Variants in ABCC10 observed in about 807,000 individuals in gnomAD.
ABCC10 encodes ATP-binding cassette sub-family C member 10.
ABCC10 carries 110 observed loss-of-function variants against 143.2 expected under a neutral mutation model. The ratio of observed to expected loss-of-function variants is 0.77; its 90% CI spans 0.66 to 0.90. The LOEUF (loss-of-function observed/expected upper bound fraction) is 0.90, where lower values mean the gene tolerates loss of function less well. Ranked by LOEUF, ABCC10 falls within the 40% of genes least tolerant of loss-of-function variation. ABCC10 has a pLI of 0.00. For missense variants in ABCC10, 1,700 were observed against 1,900.5 expected, an observed-to-expected ratio of 0.89 and a Z score of 1.96; for synonymous variants, 805 against 846.7, an observed-to-expected ratio of 0.95 and a Z score of 0.85.
At chr6:43,451,819 G>A, downstream of ABCC10, 1 of 1,453,484 alleles carries the variant, frequency 6.9e-7, no homozygotes, top group East Asian at 2.5e-5. This position sits in a 1 kb window ranked among gnomAD's most constrained non-coding sequence, Gnocchi z 4.4. Context: ...GGTTTTATCT[G>A]AGTGTCCCCG....
rs764228772 is a variant in ABCC10 at position 43,445,177 on chromosome 6, C to T, written c.2893C>T (p.Arg965Cys). Residue 965 changes from arginine (R) to cysteine (C), a missense_variant, in exon 14 of 22, where the codon CGT (arginine) becomes TGT (cysteine). Coordinates refer to ENST00000372530, the MANE Select transcript of ABCC10 (RefSeq NM_001198934.2). ...TGCCCCCAATGGCTCCTCAGACATC[C>T]GTTTCTACCTCACCGTGTATGCGAC... ...KAAPNGSSDIRFYLTVYATIA... is the reference protein window; with the variant it reads ...KAAPNGSSDICFYLTVYATIA... The T allele has an allele frequency of 9.9e-6, 16 of 1,613,980 alleles. No homozygotes were observed. Among genetic ancestry groups the T allele is most frequent in the East Asian group, 4.5e-5 (2 of 44,900 alleles).
chr6:43,442,987 C>A lies in ABCC10; in HGVS notation c.2244C>A (p.Leu748=). ...RAVYQEKELY[L]LDDPLAAVDA... is the part of the protein sequence containing the mutation. ...CTCCATAGGAAAAGGAGCTCTATCT[C>A]CTCGATGACCCTCTGGCCGCTGTGG... Residue 748 remains leucine (L), a synonymous_variant, in exon 10 of 22, where the codon CTC becomes CTA. Transcript: ENST00000372530. 6.3e-7 allele frequency: 1 copy of A among 1,597,300 alleles called. No individual in the cohort carries two copies. Among genetic ancestry groups the A allele is most frequent in the Non-Finnish European group, 8.5e-7 (1 of 1,171,954 alleles).
At position 43,445,193 on chromosome 6, in the gene ABCC10, T is replaced by A. The variant is rs1157435514; in HGVS notation, c.2909T>A (p.Val970Glu). 6.2e-7 allele frequency: 1 copy of A among 1,614,078 alleles called. No individual in the cohort carries two copies. Among genetic ancestry groups the A allele is most frequent in the Non-Finnish European group, 8.5e-7 (1 of 1,179,976 alleles). Reference sequence around the variant, plus strand: ...TCAGACATCCGTTTCTACCTCACCGTGTATGCGACCATTGCTGGTGTAAAT... The same window carrying A: ...TCAGACATCCGTTTCTACCTCACCGAGTATGCGACCATTGCTGGTGTAAAT... ...GSSDIRFYLT[V>E]YATIAGVNSL... Residue 970 changes from valine (V) to glutamate (E), a missense_variant, in exon 14 of 22, where the codon GTG (valine) becomes GAG (glutamate). Coordinates refer to ENST00000372530, the MANE Select transcript of ABCC10 (RefSeq NM_001198934.2).
chr6:43,434,466 A>C, intron 3 of ABCC10, 155 bp from the exon 4 acceptor site: 1 of 693,378 alleles, frequency 1.4e-6, no homozygotes, highest in Non-Finnish European at 2.5e-6. Context: ...TCCAGAAAGT[A>C]CTGAGGTGAG....
rs750757331 is a variant in ABCC10 at position 43,445,858 on chromosome 6, G to A, written c.3290G>A (p.Ser1097Asn). Residue 1097 changes from serine (S) to asparagine (N), a missense_variant, in exon 15 of 22, where the codon AGC (serine) becomes AAC (asparagine). Physicochemically the swap from Ser to Asn is conservative, Grantham distance 46. Coordinates refer to ENST00000372530, the MANE Select transcript of ABCC10 (RefSeq NM_001198934.2). ...TCACGGGAGCTGCGGCGCCTGGGCAGCCTCACCCTGTCTCCACTGTATAGC... is the reference window on the plus strand; with the variant it reads ...TCACGGGAGCTGCGGCGCCTGGGCAACCTCACCCTGTCTCCACTGTATAGC... ...ASSRELRRLGSLTLSPLYSHL... is the reference protein window; with the variant it reads ...ASSRELRRLGNLTLSPLYSHL... 1.9e-6 allele frequency: 3 copies of A among 1,614,126 alleles called. No individual in the cohort carries two copies. The South Asian group carries it at 3.3e-5, about 18-fold the overall frequency.
chr6:43,446,947 A>T (rs1376648849), intron 16 of ABCC10: 61 of 926,010 alleles, frequency 6.6e-5, no homozygotes, highest in Non-Finnish European at 8.3e-5. Flanking sequence ...TCCTGGGTTC[A>T]AGCAATTCTC....
intron 8 of ABCC10, 48 bp from the exon 9 acceptor site, chr6:43,441,814 A>G (rs1454727430): frequency 1.3e-6 from 2 of 1,509,296 alleles, no homozygotes; most frequent in Non-Finnish European, 1.8e-6. Flanking sequence ...GAAGTGGGCC[A>G]GAAGGTAATG....
At position 43,439,857 on chromosome 6, in the gene ABCC10, C is replaced by T. The variant is rs576967106; in HGVS notation, c.2127+1062C>T. Reference sequence around the variant, plus strand: ...TTGGCCTCCCAAGGTGCTGGGATTACAGGCGTGAGCCACCGCGCCTGGCCT... The same window carrying T: ...TTGGCCTCCCAAGGTGCTGGGATTATAGGCGTGAGCCACCGCGCCTGGCCT... On this transcript the variant is annotated intron_variant, in intron 8 of 21. Transcript: ENST00000372530. Among the ~76,000 whole-genome samples the T allele has an allele frequency of 2.4e-4, 36 of 152,280 alleles. 1 individual carries two copies. In the Middle Eastern group the frequency reaches 0.01, roughly 43 times the overall value.
rs377723422 is a variant in ABCC10, at chr6:43,433,410, C to T, written c.1380+50C>T. On this transcript the variant is annotated intron_variant, in intron 3 of 21. Coordinates refer to ENST00000372530, the MANE Select transcript of ABCC10 (RefSeq NM_001198934.2). ...AGCTATCTGGAGACCCCACCCAGCC[C>T]AGGTCCCCAGGTCTTCCCATGCACA... The T allele has an allele frequency of 9.2e-6, 14 of 1,529,272 alleles. No individual in the cohort carries two copies. In the East Asian group the frequency reaches 1.9e-4, roughly 20 times the overall value. 94.7% of individuals were successfully genotyped at this position (1,529,272 alleles called of 1,614,324 possible).
At chr6:43,451,055 G>A (rs1355891790), downstream of ABCC10, 3 of 1,614,248 alleles carry the variant, frequency 1.9e-6, no homozygotes, top group Non-Finnish European at 2.5e-6. The surrounding 1 kb of genome is among the most constrained non-coding windows in gnomAD (Gnocchi z 4.4). Context: ...AGTCATCCAG[G>A]TTGATGGTGC....
chr6:43,444,021 C>G lies in ABCC10; in HGVS notation c.2494+11C>G. 1 of 1,613,314 alleles carries G rather than the reference C, an allele frequency of 6.2e-7. No individual in the cohort carries two copies. The highest frequency in any genetic ancestry group is 8.5e-7 in the Non-Finnish European group (1 of 1,179,200). ...AAGAGTCTGACTCAGGTATGGCTCC[C>G]CAGTGGGAGAAAAGGGCTTGCTTTT... is the stretch of plus-strand genomic sequence containing the variant. On this transcript the variant is annotated intron_variant, in intron 11 of 21. Transcript: ENST00000372530.
chr6:43,449,073 C>T, intron 19 of ABCC10, 34 bp from the exon 20 acceptor site: 1 of 1,613,850 alleles, frequency 6.2e-7, no homozygotes, highest in Non-Finnish European at 8.5e-7. Flanking sequence ...GCAGGGATGG[C>T]CTGGGCCCTG....
intron 3 of ABCC10, 124 bp from the exon 4 acceptor site, chr6:43,434,497 C>T: frequency 1.2e-6 from 1 of 846,234 alleles, no homozygotes; most frequent in Non-Finnish European, 1.9e-6. Context: ...AAGACTAGGG[C>T]AGTGCAGAGT....
At chr6:43,447,208 T>A (rs1252238535) in intron 16 of ABCC10, 40 bp from the exon 17 acceptor site, 1 of 1,597,046 alleles carries the variant, frequency 6.3e-7, no homozygotes, top group South Asian at 1.1e-5. Flanking sequence ...AACGTCCCGG[T>A]GTCCAAGCTC....
chr6:43,431,056 C>T (rs573887936), intron 2 of ABCC10, among the ~76,000 whole-genome samples: 34 of 152,182 alleles, frequency 2.2e-4, no homozygotes, highest in African/African-American at 8.2e-4. Flanking sequence ...GACAGATCAC[C>T]TTTTGTTTAT....
chr6:43,435,739 C>CA lies in ABCC10; in HGVS notation c.1609-11dup. 6.2e-7 allele frequency: 1 copy of CA among 1,613,762 alleles called. No individual in the cohort carries two copies. The highest frequency in any genetic ancestry group is 8.5e-7 in the Non-Finnish European group (1 of 1,179,752). ...AACTCCTGGGGCTTCACCCTGCACC[C>CA]ACCTCACTCAGGTGTTCACGGCCCT... is the stretch of plus-strand genomic sequence containing the variant. On this transcript the variant is annotated splice_polypyrimidine_tract_variant and intron_variant, in intron 4 of 21. Coordinates refer to ENST00000372530, the MANE Select transcript of ABCC10 (RefSeq NM_001198934.2).
At chr6:43,436,282 A>G (rs777688289) in intron 6 of ABCC10, 35 bp downstream of exon 6, 2 of 1,603,472 alleles carry the variant, frequency 1.2e-6, no homozygotes, top group African/African-American at 2.7e-5. Flanking sequence ...GAGTCCTCAG[A>G]CTAACGAGAG....
chr6:43,439,850 G>A (rs1782162689), intron 8 of ABCC10, among the ~76,000 whole-genome samples: 1 of 152,132 alleles, frequency 6.6e-6, no homozygotes, highest in Non-Finnish European at 1.5e-5. Flanking sequence ...CCAAGGTGCT[G>A]GGATTACAGG....
At chr6:43,442,365 C>T (rs1782561487) in intron 9 of ABCC10, among the ~76,000 whole-genome samples, 2 of 152,084 alleles carry the variant, frequency 1.3e-5, no homozygotes, top group Admixed American at 6.6e-5. Flanking sequence ...GTCAGGAGTT[C>T]GAGACCAGCT....
Sources: allele counts gnomAD v4.1 joint callset (sites outside exome capture counted in the v4.1 genomes callset), GRCh38; gene constraint gnomAD v4.1.1; non-coding constraint Gnocchi (gnomAD v3.1); transcripts MANE v1.5; gene names NCBI Gene and HGNC (gene_info 2026-07-23, HGNC 2026-07-21).